The following PTBP2 variants were observed in gnomAD, a reference collection of about 807,000 sequenced individuals.
PTBP2 encodes polypyrimidine tract-binding protein 2.
In PTBP2, 13 loss-of-function variants were observed where a neutral mutation model predicts 61.4. The ratio of observed to expected loss-of-function variants is 0.21; its 90% CI spans 0.14 to 0.34. PTBP2 has a LOEUF of 0.34. PTBP2 is among the 10% of genes least tolerant of loss of function. The probability of loss-of-function intolerance (pLI) is 1.00; values close to 1 mark genes in which losing one functional copy is unlikely to be tolerated. For missense variants in PTBP2, 405 were observed against 642.6 expected (o/e 0.63, Z 4.00); for synonymous variants, 215 against 218.5 (o/e 0.98, Z 0.14).
chr1:96,780,099 G>A lies in PTBP2; in HGVS notation c.708+2153G>A, dbSNP rs148248285. ...TTCATCAGCTTTTCTTGCAAAATCT[G>A]CTAATACTCACACTTGTCTTTCTCT... is the stretch of plus-strand genomic sequence containing the variant. On this transcript the variant is annotated intron_variant, in intron 7 of 13. Transcript: ENST00000674951. Among the ~76,000 whole-genome samples the A allele has an allele frequency of 3.8e-3, 577 of 152,102 alleles. 2 individuals carry two copies. The highest frequency in any genetic ancestry group is 6.2e-3 in the Non-Finnish European group (420 of 67,954).
At chr1:96,804,726 A>T in intron 8 of PTBP2, 74 bp from the exon 9 acceptor site, 1 of 1,432,128 alleles carries the variant, frequency 7.0e-7, no homozygotes, top group South Asian at 1.4e-5. Context: ...TCGTGCTTAA[A>T]TTGGTTTTTG....
intron 2 of PTBP2, chr1:96,749,697 T>TA (rs1557706575): frequency 2.2e-6 from 1 of 455,344 alleles, no homozygotes; most frequent in African/African-American, 2.0e-5. Context: ...GTAATTCACT[T>TA]ACTTAGTCAA....
At chr1:96,794,782 G>T (rs1465007146) in intron 8 of PTBP2, among the ~76,000 whole-genome samples, 2 of 152,148 alleles carry the variant, frequency 1.3e-5, no homozygotes, top group Non-Finnish European at 2.9e-5. Context: ...AACAAAAGGA[G>T]AAATTGGGAG....
intron 3 of PTBP2, among the ~76,000 whole-genome samples, chr1:96,759,769 A>G (rs987317662): frequency 6.6e-6 from 1 of 152,244 alleles, no homozygotes; most frequent in Non-Finnish European, 1.5e-5. Context: ...ATATTTGTGT[A>G]TCAATACATG....
At chr1:96,767,713 T>C (rs1570870382) in intron 3 of PTBP2, among the ~76,000 whole-genome samples, 1 of 152,156 alleles carries the variant, frequency 6.6e-6, no homozygotes, top group African/African-American at 2.4e-5. Flanking sequence ...ACATTTTCAA[T>C]TAACGGGCCT....
rs1660279973 is a variant in PTBP2 at position 96,795,441 on chromosome 1, T to G, written c.905-9359T>G. 2.6e-5 allele frequency among the ~76,000 whole-genome samples: 4 copies of G among 152,110 alleles called. No individual in the cohort carries two copies. The South Asian group carries it at 8.3e-4, about 32-fold the overall frequency. ...TAGGAAATTCAGCCTAAGACTTGGG[T>G]AAGAGTTCTGTGGAGTTGTGAATTC... On this transcript the variant is annotated intron_variant, in intron 8 of 13. Transcript: ENST00000674951.
intron 2 of PTBP2, among the ~76,000 whole-genome samples, chr1:96,746,082 A>AC (rs1249730470): frequency 4.0e-5 from 6 of 151,888 alleles, no homozygotes; most frequent in East Asian, 1.9e-4. Flanking sequence ...AAACAAAAAA[A>AC]AACAACAACA....
intron 3 of PTBP2, among the ~76,000 whole-genome samples, chr1:96,754,160 A>G (rs1654896531): frequency 6.6e-6 from 1 of 152,184 alleles, no homozygotes; most frequent in African/African-American, 2.4e-5. Flanking sequence ...AGCTGCGAAA[A>G]AAACGTCTAA....
rs147041011 is a variant in PTBP2 at position 96,802,103 on chromosome 1, T to C, written c.905-2697T>C. On this transcript the variant is annotated intron_variant, in intron 8 of 13. Transcript: ENST00000674951. ...GCGGGCGCCTGTAGTCCCAGCTACT[T>C]GGGAGGCTGAGGCAGGAGAATGGCA... 3.4e-3 allele frequency among the ~76,000 whole-genome samples: 488 copies of C among 143,198 alleles called. 3 individuals carry two copies. The highest frequency in any genetic ancestry group is 0.012 in the African/African-American group (473 of 38,686). 93.9% of individuals were successfully genotyped at this position (143,198 alleles called of 152,430 possible). A position where few individuals can be genotyped will look rare whatever the true frequency, so the allele number is the denominator to read the frequency against.
At chr1:96,777,974 T>C in intron 7 of PTBP2, 28 bp downstream of exon 7, 1 of 1,331,050 alleles carries the variant, frequency 7.5e-7, no homozygotes, top group Non-Finnish European at 1.0e-6. Context: ...GATGGTGATT[T>C]TTTTTTATTG....
At chr1:96,786,198 T>C (rs1659185320) in intron 8 of PTBP2, among the ~76,000 whole-genome samples, 1 of 152,182 alleles carries the variant, frequency 6.6e-6, no homozygotes, top group African/African-American at 2.4e-5. Flanking sequence ...ATAACAGTCA[T>C]GCCATCAGTT....
At chr1:96,796,553 A>G (rs949322180) in intron 8 of PTBP2, among the ~76,000 whole-genome samples, 3 of 152,202 alleles carry the variant, frequency 2.0e-5, no homozygotes. Context: ...ACTCTCAAAA[A>G]TGGACTGGAA....
Position 96,770,801 on chromosome 1 carries a change from A to G in PTBP2, c.382A>G (p.Ile128Val), listed in dbSNP as rs901336049. The G allele has an allele frequency of 1.9e-6, 3 of 1,588,126 alleles. No individual in the cohort carries two copies. The highest frequency in any genetic ancestry group is 2.7e-5 in the African/African-American group (2 of 74,272). ...TCATCTTCGTAACCAACCAATATATATCCAGTACTCGAATCACAAAGAACT... is the reference window on the plus strand; with the variant it reads ...TCATCTTCGTAACCAACCAATATATGTCCAGTACTCGAATCACAAAGAACT... ...TPHLRNQPIY[I>V]QYSNHKELKT... Residue 128 changes from isoleucine (I) to valine (V), a missense_variant, in exon 5 of 14, where the codon ATC becomes GTC. Ile to Val is a conservative substitution (Grantham distance 29). Coordinates refer to ENST00000674951, the MANE Select transcript of PTBP2 (RefSeq NM_021190.4).
chr1:96,796,388 T>TATG (rs1446926138), intron 8 of PTBP2, among the ~76,000 whole-genome samples: 1 of 152,034 alleles, frequency 6.6e-6, no homozygotes, highest in African/African-American at 2.4e-5. Flanking sequence ...TATATGTCTT[T>TATG]ATGAAGCAAG....
intron 3 of PTBP2, among the ~76,000 whole-genome samples, chr1:96,754,299 G>T (rs1654912993): frequency 6.6e-6 from 1 of 151,990 alleles, no homozygotes; most frequent in African/African-American, 2.4e-5. Context: ...ATTTTAAAAG[G>T]GCTCTCTCTT....
At chr1:96,751,646 A>G (rs540310010) in intron 3 of PTBP2, 146 bp downstream of exon 3, 2 of 514,706 alleles carry the variant, frequency 3.9e-6, no homozygotes, top group South Asian at 3.7e-5. Context: ...TAAAGTATAT[A>G]TGAGCCGAGT....
intron 3 of PTBP2, among the ~76,000 whole-genome samples, chr1:96,752,655 G>A (rs993998567): frequency 7.2e-5 from 11 of 151,924 alleles, no homozygotes; most frequent in Non-Finnish European, 4.4e-5. Context: ...CTGGTTTGTC[G>A]GTTTCTCTTT....
At chr1:96,818,991 G>A (rs895784619), downstream of PTBP2, 9 of 151,940 alleles carry the variant, frequency 5.9e-5, no homozygotes, top group Non-Finnish European at 8.8e-5. Context: ...AAACTATTAT[G>A]TACAAGTTGA....
chr1:96,781,565 C>T (rs1658671997), intron 7 of PTBP2, among the ~76,000 whole-genome samples: 1 of 151,900 alleles, frequency 6.6e-6, no homozygotes, highest in Non-Finnish European at 1.5e-5. Context: ...TCTCTTTATG[C>T]CCAACTTCTG....
Sources: allele counts gnomAD v4.1 joint callset (sites outside exome capture counted in the v4.1 genomes callset), GRCh38; gene constraint gnomAD v4.1.1; transcripts MANE v1.5; gene names NCBI Gene and HGNC (gene_info 2026-07-23, HGNC 2026-07-21).